SLC16A5: variants seen among roughly 807,000 people sequenced by gnomAD.
The protein encoded by SLC16A5 is monocarboxylate transporter 6.
A neutral mutation model predicts 33.2 loss-of-function variants in SLC16A5; 29 were observed. That is an observed-to-expected ratio of 0.87 (90% confidence interval 0.65 to 1.19). The LOEUF (loss-of-function observed/expected upper bound fraction) is 1.19, where lower values mean the gene tolerates loss of function less well. SLC16A5 is among the 50% of genes most tolerant of loss of function. The probability of loss-of-function intolerance (pLI) is 0.00; values close to 1 mark genes in which losing one functional copy is unlikely to be tolerated. For missense variants in SLC16A5, 606 were observed against 678.2 expected (o/e 0.89, Z 1.18); for synonymous variants, 248 against 284.1 (o/e 0.87, Z 1.28).
chr17:75,100,944 T>C, intron 5 of SLC16A5, 128 bp downstream of exon 5: 17 of 966,722 alleles, frequency 1.8e-5, no homozygotes, highest in Admixed American at 2.9e-5. Context: ...ACTCAGAGTA[T>C]GAACAGTTAA....
intron 6 of SLC16A5, 67 bp downstream of exon 6, chr17:75,104,247 G>A (rs1292474782): frequency 5.7e-6 from 9 of 1,575,822 alleles, no homozygotes; most frequent in African/African-American, 4.1e-5. Flanking sequence ...TGGGATCACT[G>A]AGTGAACACT....
rs1352366197 is a variant in SLC16A5 at position 75,105,631 on chromosome 17, C to T, written c.1365-249C>T. On this transcript the variant is annotated intron_variant, in intron 6 of 6. Coordinates refer to ENST00000329783, the MANE Select transcript of SLC16A5 (RefSeq NM_004695.4). ...CTGGCTGTCATCAGCCCATTCTTGT[C>T]CCAGCAGGGTACCGAGGGAATGATA... is the stretch of plus-strand genomic sequence containing the variant. 5 of 985,282 alleles carry T rather than the reference C, an allele frequency of 5.1e-6. No individual in the cohort carries two copies. The East Asian group carries it at 3.4e-4, about 67-fold the overall frequency. 61.0% of individuals were successfully genotyped at this position (985,282 alleles called of 1,614,324 possible).
At chr17:75,094,409 G>A (rs562826678) in intron 3 of SLC16A5, among the ~76,000 whole-genome samples, 65 of 152,332 alleles carry the variant, frequency 4.3e-4, no homozygotes, top group Admixed American at 3.3e-3. Context: ...AGGAATGGCC[G>A]GGCGCGATGG....
intron 3 of SLC16A5, among the ~76,000 whole-genome samples, chr17:75,095,530 C>G (rs933881154): frequency 6.6e-6 from 1 of 152,182 alleles, no homozygotes; most frequent in Non-Finnish European, 1.5e-5. Context: ...CAGAGTCTCA[C>G]TCTGTCACCT....
chr17:75,100,514 A>G lies in SLC16A5; in HGVS notation c.851A>G (p.Asn284Ser), dbSNP rs1195027450. 3.1e-6 allele frequency: 5 copies of G among 1,614,088 alleles called. No homozygotes were observed. The African/African-American group carries it at 4.0e-5, about 13-fold the overall frequency. The change falls in exon 5 of 7, where the codon AAC becomes AGC. Residue 284 changes from asparagine (N) to serine (S), a missense_variant. Asn to Ser is a conservative substitution (Grantham distance 46, BLOSUM62 1). Transcript: ENST00000329783. ...ALLISIIGFS[N>S]IFLRPLAGLM... ...CTCATCTCCATCATCGGCTTCAGCA[A>G]CATCTTCCTGAGGCCCCTAGCCGGG...
intron 4 of SLC16A5, among the ~76,000 whole-genome samples, chr17:75,099,523 C>G (rs1397494156): frequency 6.6e-6 from 1 of 152,150 alleles, no homozygotes; most frequent in Non-Finnish European, 1.5e-5. Context: ...CTCACTGCAA[C>G]CTCCACTTCC....
chr17:75,100,149 TC>T lies in SLC16A5; in HGVS notation c.487del (p.Leu163TrpfsTer27), dbSNP rs775942083. 4 of 1,614,198 alleles carry T rather than the reference TC, an allele frequency of 2.5e-6. No homozygotes were observed. The Admixed American group carries it at 6.7e-5, about 27-fold the overall frequency. ...TCTGGCCGCTGCTCTCCCGCTACCT[TC>T]TGGAGAACCTGGGCTGGAGGGGTAC... Reference protein sequence around the residue: ...TLWPLLSRYLLENLGWRGTFL... With the variant: ...TLWPLLSRYLXENLGWRGTFL... On this transcript the variant is annotated frameshift_variant, in exon 5 of 7. Coordinates refer to ENST00000329783, the MANE Select transcript of SLC16A5 (RefSeq NM_004695.4). LOFTEE classifies it high-confidence loss of function.
At chr17:75,092,028 GGTGTGTGT>G (rs535726400) in intron 2 of SLC16A5, among the ~76,000 whole-genome samples, 1 of 149,606 alleles carries the variant, frequency 6.7e-6, no homozygotes, top group Non-Finnish European at 1.5e-5. Flanking sequence ...ATGTGAGGGG[GGTGTGTGT>G]GTGTGTGTGT....
At chr17:75,093,140 G>A in intron 2 of SLC16A5, 1 of 472,198 alleles carries the variant, frequency 2.1e-6, no homozygotes, top group South Asian at 3.1e-5. Flanking sequence ...GTGTTTGTAT[G>A]CAGGAACCCT....
chr17:75,106,713 G>T (rs1416968934), downstream of SLC16A5, among the ~76,000 whole-genome samples: 2 of 150,988 alleles, frequency 1.3e-5, no homozygotes, highest in African/African-American at 4.9e-5. Flanking sequence ...TGGCCAACAT[G>T]GCAAAACCCC....
chr17:75,098,892 A>G (rs1416031054), intron 4 of SLC16A5, among the ~76,000 whole-genome samples: 7 of 152,112 alleles, frequency 4.6e-5, no homozygotes, highest in Non-Finnish European at 7.4e-5. Flanking sequence ...GCATGTGGGC[A>G]GCTGAGCATA....
chr17:75,105,869 T>G lies in SLC16A5; in HGVS notation c.1365-11T>G. The G allele has an allele frequency of 6.3e-7, 1 of 1,583,286 alleles. No homozygotes were observed. On this transcript the variant is annotated splice_polypyrimidine_tract_variant and intron_variant, in intron 6 of 6. Coordinates refer to ENST00000329783, the MANE Select transcript of SLC16A5 (RefSeq NM_004695.4). Reference sequence around the variant, plus strand: ...GAAAACCTTATCAGGAGATTTTATTTTCATGAACAGGTGCCAGTCTTCCCG... The same window carrying G: ...GAAAACCTTATCAGGAGATTTTATTGTCATGAACAGGTGCCAGTCTTCCCG...
At chr17:75,103,100 A>G (rs879343579) in intron 5 of SLC16A5, among the ~76,000 whole-genome samples, 1 of 152,170 alleles carries the variant, frequency 6.6e-6, no homozygotes, top group Admixed American at 6.6e-5. Flanking sequence ...TGTATTGGCC[A>G]GGCTGTTCTC....
At chr17:75,104,598 T>C (rs1208993043) in intron 6 of SLC16A5, 7 of 565,288 alleles carry the variant, frequency 1.2e-5, no homozygotes, top group Non-Finnish European at 1.3e-5. Context: ...ATTACAGGCA[T>C]GCGCCACCAC....
Position 75,093,667 on chromosome 17 carries a change from A to G in SLC16A5, c.31A>G (p.Ser11Gly). 1.2e-6 allele frequency: 2 copies of G among 1,613,440 alleles called. No homozygotes were observed. The highest frequency in any genetic ancestry group is 1.6e-4 in the Middle Eastern group (1 of 6,062). Reference protein sequence around the residue: MPQALERADGSWAWVVLLATM... With the variant: MPQALERADGGWAWVVLLATM... ...CCAGGCCCTGGAGCGTGCAGATGGC[A>G]GCTGGGCCTGGGTGGTGCTGCTGGC... Residue 11 changes from serine to glycine, a missense_variant, in exon 3 of 7, where the codon AGC becomes GGC. Ser to Gly is a moderately conservative substitution (Grantham distance 56). Coordinates refer to ENST00000329783, the MANE Select transcript of SLC16A5 (RefSeq NM_004695.4).
At position 75,103,968 on chromosome 17, in the gene SLC16A5, AG is replaced by A. The variant is rs2073830954; in HGVS notation, c.1155del. The A allele has an allele frequency of 1.2e-6, 2 of 1,613,500 alleles. 1 individual carries two copies. On this transcript the variant is annotated splice_acceptor_variant, in intron 5 of 6. Coordinates refer to ENST00000329783, the MANE Select transcript of SLC16A5 (RefSeq NM_004695.4). LOFTEE classifies it high-confidence loss of function. ...TGGCCTAACTTGATCTCTGTTCCCCAGGGTTGCTCCTGGACGCCACCAACAA... is the reference window on the plus strand; with the variant it reads ...TGGCCTAACTTGATCTCTGTTCCCCAGGTTGCTCCTGGACGCCACCAACAA...
At chr17:75,105,497 C>T (rs891050122) in intron 6 of SLC16A5, 23 of 985,274 alleles carry the variant, frequency 2.3e-5, no homozygotes, top group Non-Finnish European at 2.7e-5. Flanking sequence ...GGGTAAGTGG[C>T]TGGCTGGACT....
rs376233620 is a variant in SLC16A5, at chr17:75,102,889, G to A, written c.1154-1081G>A. On this transcript the variant is annotated intron_variant, in intron 5 of 6. Transcript: ENST00000329783. ...CTGGGATTACAGGCACGCGCCACACGCCCGGCTAATTTTTTTTTTTGAGAC... is the reference window on the plus strand; with the variant it reads ...CTGGGATTACAGGCACGCGCCACACACCCGGCTAATTTTTTTTTTTGAGAC... 4.9e-3 allele frequency among the ~76,000 whole-genome samples: 639 copies of A among 130,712 alleles called. 1 individual carries two copies. Among genetic ancestry groups the A allele is most frequent in the African/African-American group, 0.017 (598 of 35,094 alleles). The allele number at this position is 130,712 out of a possible 152,430, so 85.8% of individuals were successfully genotyped here.
downstream of SLC16A5, among the ~76,000 whole-genome samples, chr17:75,109,527 ACT>A (rs1353028838): frequency 1.3e-5 from 2 of 152,010 alleles, no homozygotes; most frequent in East Asian, 1.9e-4. This position sits in a 1 kb window ranked among gnomAD's most constrained non-coding sequence, Gnocchi z 5.0. Context: ...GTGCTGCCAG[ACT>A]CTGCTGCGCT....
Sources: gnomAD v4.1 joint callset for allele counts (sites outside exome capture counted in the v4.1 genomes callset) on GRCh38, gnomAD v4.1.1 for gene constraint, Gnocchi (gnomAD v3.1) non-coding constraint, MANE v1.5 for transcripts, NCBI Gene and HGNC (gene_info 2026-07-23, HGNC 2026-07-21) for gene names.